Variants in RNF169 observed in about 807,000 individuals in gnomAD.
The protein encoded by RNF169 is ring finger protein 169, also known as E3 ubiquitin-protein ligase RNF169.
In RNF169, 24 loss-of-function variants were observed where a neutral mutation model predicts 53.9. The ratio of observed to expected loss-of-function variants is 0.45; its 90% CI spans 0.32 to 0.63. The LOEUF is 0.63. Ranked by LOEUF, RNF169 falls within the 20% of genes least tolerant of loss-of-function variation. The probability of loss-of-function intolerance (pLI) is 0.04; values close to 1 mark genes in which losing one functional copy is unlikely to be tolerated. For synonymous variants in RNF169, 396 were observed against 363.5 expected (o/e 1.09, Z -1.02); for missense variants, 883 against 906.2 (o/e 0.97, Z 0.33).
At chr11:74,786,409 G>T (rs888028380) in intron 1 of RNF169, among the ~76,000 whole-genome samples, 13 of 151,790 alleles carry the variant, frequency 8.6e-5, no homozygotes, top group African/African-American at 3.1e-4. Context: ...ATTGTTGGGG[G>T]GTTTTTTTGT....
In RNF169 at chr11:74,836,297, G is replaced by A; in HGVS notation, c.1694G>A (p.Ser565Asn). The change falls in exon 6 of 6, where the codon AGC becomes AAC. Residue 565 changes from serine to asparagine, a missense_variant. Physicochemically the swap from Ser to Asn is conservative, Grantham distance 46. Around this residue, in one of 3 missense-constraint regions of RNF169, gnomAD observed 351 missense variants for 337.3 expected, o/e 1.04. Coordinates refer to ENST00000299563, the MANE Select transcript of RNF169 (RefSeq NM_001098638.2). ...GCCAAGTTAGACAAAACCTGTATAA[G>A]CAGAGCCATGAAAATCACCACAGTT... is the stretch of plus-strand genomic sequence containing the variant. ...PDAKLDKTCI[S>N]RAMKITTVNS... 1 of 1,614,172 alleles carries A rather than the reference G, an allele frequency of 6.2e-7. No homozygotes were observed. The highest frequency in any genetic ancestry group is 8.5e-7 in the Non-Finnish European group (1 of 1,180,028).
At chr11:74,778,407 T>C (rs1368622138) in intron 1 of RNF169, among the ~76,000 whole-genome samples, 1 of 152,230 alleles carries the variant, frequency 6.6e-6, no homozygotes, top group Non-Finnish European at 1.5e-5. Flanking sequence ...TGTCACTGTT[T>C]CTTTTTCCAG....
intron 1 of RNF169, among the ~76,000 whole-genome samples, chr11:74,765,406 G>A (rs1009664971): frequency 1.3e-5 from 2 of 152,110 alleles, no homozygotes; most frequent in African/African-American, 4.8e-5. Context: ...TTATCTGACC[G>A]TAGTATAATA....
Position 74,836,986 on chromosome 11 carries a change from T to A in RNF169, c.*256T>A. The A allele has an allele frequency of 2.6e-6, 1 of 391,626 alleles. No individual in the cohort carries two copies. Among genetic ancestry groups the A allele is most frequent in the South Asian group, 4.0e-5 (1 of 25,102 alleles). The allele number at this position is 391,626 out of a possible 1,614,324, so 24.3% of individuals were successfully genotyped here. ...CTGGCAGCACCCACTGGGAATGAGA[T>A]TTGGAACGGCCTCAGGAGCATAATG... is the stretch of plus-strand genomic sequence containing the variant. On this transcript the variant is annotated 3_prime_UTR_variant, in exon 6 of 6. Coordinates refer to ENST00000299563, the MANE Select transcript of RNF169 (RefSeq NM_001098638.2).
At chr11:74,824,305 A>G (rs373433693) in intron 4 of RNF169, among the ~76,000 whole-genome samples, 2 of 152,340 alleles carry the variant, frequency 1.3e-5, no homozygotes, top group East Asian at 3.8e-4. Context: ...ATATAGGTCA[A>G]TTGAGATTAT....
intron 1 of RNF169, among the ~76,000 whole-genome samples, chr11:74,775,232 TAAAGG>T (rs139406780): frequency 0.024 from 3,690 of 152,202 alleles, 158 homozygotes; most frequent in African/African-American, 0.085. Flanking sequence ...AATGAAGAGG[TAAAGG>T]AAGATGAGGT....
At chr11:74,821,405 TCCCAGCACTTTGGG>T (rs2036007867) in intron 4 of RNF169, among the ~76,000 whole-genome samples, 1 of 68,952 alleles carries the variant, frequency 1.5e-5, no homozygotes, top group East Asian at 3.7e-4. Flanking sequence ...ACGCCTGTAA[TCCCAGCACTTTGGG>T]AGGCCGAGGC....
At chr11:74,755,650 A>G (rs1266884286) in intron 1 of RNF169, among the ~76,000 whole-genome samples, 1 of 152,258 alleles carries the variant, frequency 6.6e-6, no homozygotes, top group Non-Finnish European at 1.5e-5. Flanking sequence ...GCTGACTGAC[A>G]ATTTGCAGGA....
At position 74,798,471 on chromosome 11, in the gene RNF169, C is replaced by T. The variant is rs180889691; in HGVS notation, c.576+8772C>T. Among the ~76,000 whole-genome samples, 446 of 152,196 alleles carry T rather than the reference C, an allele frequency of 2.9e-3. 2 individuals are homozygous for T. Among genetic ancestry groups the T allele is most frequent in the Non-Finnish European group, 2.5e-3 (173 of 68,020 alleles). On this transcript the variant is annotated intron_variant, in intron 2 of 5. Transcript: ENST00000299563. ...CCCACCTAATAAATTTTGATCAGAC[C>T]GGTTGATCTCAAAACCCTGTCTCCT...
chr11:74,777,223 C>T (rs1386765092), intron 1 of RNF169, among the ~76,000 whole-genome samples: 1 of 152,174 alleles, frequency 6.6e-6, no homozygotes, highest in East Asian at 1.9e-4. Flanking sequence ...GGCACATAGT[C>T]ACTAGGTGAC....
chr11:74,760,694 G>A lies in RNF169; in HGVS notation c.502+11312G>A, dbSNP rs1327472032. Among the ~76,000 whole-genome samples the A allele has an allele frequency of 3.3e-5, 5 of 149,388 alleles. No individual in the cohort carries two copies. In the East Asian group the frequency reaches 9.8e-4, roughly 29 times the overall value. On this transcript the variant is annotated intron_variant, in intron 1 of 5. Coordinates refer to ENST00000299563, the MANE Select transcript of RNF169 (RefSeq NM_001098638.2). ...TGAGAGATAGTTTGTTATAATTTCT[G>A]TTCTTTTACATTTGCTGAGGAGAGT...
At chr11:74,835,444 C>T (rs969502108) in intron 5 of RNF169, 102 bp from the exon 6 acceptor site, 3 of 857,754 alleles carry the variant, frequency 3.5e-6, no homozygotes, top group Non-Finnish European at 5.5e-6. Flanking sequence ...CATCCCTTTT[C>T]TTGTCCTCCC....
intron 1 of RNF169, among the ~76,000 whole-genome samples, chr11:74,756,309 A>G (rs1048033083): frequency 2.6e-5 from 4 of 152,226 alleles, no homozygotes; most frequent in Admixed American, 6.5e-5. Flanking sequence ...GCAGTATAGT[A>G]TATATTAATA....
chr11:74,774,010 A>C (rs997172475), intron 1 of RNF169, among the ~76,000 whole-genome samples: 1 of 152,216 alleles, frequency 6.6e-6, no homozygotes, highest in Admixed American at 6.5e-5. Context: ...TAGGGATACA[A>C]AGATGAGTAA....
rs117954870 is a variant in RNF169, at chr11:74,765,385, T to C, written c.502+16003T>C. 1.9e-3 allele frequency among the ~76,000 whole-genome samples: 294 copies of C among 152,330 alleles called. 7 individuals carry two copies. The East Asian group carries it at 0.035, about 18-fold the overall frequency. On this transcript the variant is annotated intron_variant, in intron 1 of 5. Coordinates refer to ENST00000299563, the MANE Select transcript of RNF169 (RefSeq NM_001098638.2). ...GAAGTTTCGACACATATGAAAGATA[T>C]ATAAGATATCTTATCTGACCGTAGT...
At chr11:74,822,306 C>T (rs1358395836) in intron 4 of RNF169, among the ~76,000 whole-genome samples, 1 of 152,078 alleles carries the variant, frequency 6.6e-6, no homozygotes, top group Non-Finnish European at 1.5e-5. Context: ...AGCATTAAAT[C>T]TTCTAGCTTT....
At chr11:74,792,026 C>G (rs942036025) in intron 2 of RNF169, among the ~76,000 whole-genome samples, 2 of 152,208 alleles carry the variant, frequency 1.3e-5, no homozygotes, top group Admixed American at 1.3e-4. Flanking sequence ...AACAAGGTCA[C>G]ATTAAAGAGA....
intron 5 of RNF169, 42 bp from the exon 6 acceptor site, chr11:74,835,504 T>C: frequency 7.0e-7 from 1 of 1,429,916 alleles, no homozygotes; most frequent in African/African-American, 1.4e-5. Flanking sequence ...AAAATGTATA[T>C]GTATGTGTGT....
At chr11:74,793,716 T>C (rs2035610018) in intron 2 of RNF169, among the ~76,000 whole-genome samples, 1 of 152,238 alleles carries the variant, frequency 6.6e-6, no homozygotes, top group East Asian at 1.9e-4. Context: ...CTAAATTTTA[T>C]CATTCTGTGA....
Sources: allele counts gnomAD v4.1 joint callset (sites outside exome capture counted in the v4.1 genomes callset), GRCh38; gene constraint gnomAD v4.1.1; regional missense constraint gnomAD v4.1.1; transcripts MANE v1.5; gene names NCBI Gene and HGNC (gene_info 2026-07-23, HGNC 2026-07-21).